The following TPST1 variants were observed in gnomAD, a reference collection of about 807,000 sequenced individuals.
TPST1 encodes protein-tyrosine sulfotransferase 1.
Under a neutral mutation model 34.8 loss-of-function variants are expected in TPST1, and 20 were observed. The observed-to-expected ratio is 0.57, with a 90% CI of 0.40 to 0.84. The LOEUF is 0.84. TPST1 is among the 40% of genes least tolerant of loss of function. The probability of loss-of-function intolerance (pLI) is 0.00; values close to 1 mark genes in which losing one functional copy is unlikely to be tolerated. For missense variants in TPST1, 353 were observed against 455.5 expected (o/e 0.78, Z 2.05); for synonymous variants, 152 against 159.4 (o/e 0.95, Z 0.35).
intron 3 of TPST1, among the ~76,000 whole-genome samples, chr7:66,350,517 A>G (rs537862614): frequency 6.6e-6 from 1 of 151,986 alleles, no homozygotes; most frequent in African/African-American, 2.4e-5. Flanking sequence ...TAGGTCTCCT[A>G]GACTGTAACG....
In TPST1 at chr7:66,356,498, A is replaced by G. The variant is rs150766002; in HGVS notation, c.1096-327A>G. On this transcript the variant is annotated intron_variant, in intron 4 of 5. Coordinates refer to ENST00000304842, the MANE Select transcript of TPST1 (RefSeq NM_003596.4). ...CTCCCCAGAGTTGACGTGGGCTCCAAGCCCCAGCCCCTGATCCCATGGTTG... is the reference window on the plus strand; with the variant it reads ...CTCCCCAGAGTTGACGTGGGCTCCAGGCCCCAGCCCCTGATCCCATGGTTG... 1.9e-3 allele frequency among the ~76,000 whole-genome samples: 290 copies of G among 152,356 alleles called. 1 individual carries two copies. The highest frequency in any genetic ancestry group is 8.3e-3 in the South Asian group (40 of 4,830).
intron 1 of TPST1, among the ~76,000 whole-genome samples, chr7:66,225,848 AG>A (rs1789643827): frequency 6.6e-6 from 1 of 152,178 alleles, no homozygotes; most frequent in Non-Finnish European, 1.5e-5. Flanking sequence ...ATCTAGAAAA[AG>A]GTACTTCCCA....
chr7:66,276,385 T>TATATATATG (rs1431495136), intron 2 of TPST1, among the ~76,000 whole-genome samples: 1 of 137,748 alleles, frequency 7.3e-6, no homozygotes, highest in Non-Finnish European at 1.5e-5. Context: ...TATATATGTA[T>TATATATATG]TTTTTTGAGG....
chr7:66,336,828 CAAAG>C (rs957043716), intron 3 of TPST1, among the ~76,000 whole-genome samples: 2 of 152,038 alleles, frequency 1.3e-5, no homozygotes, highest in Non-Finnish European at 2.9e-5. Flanking sequence ...AAATCAAAGA[CAAAG>C]AAAGATTACT....
intron 2 of TPST1, among the ~76,000 whole-genome samples, chr7:66,261,017 A>T (rs959926433): frequency 6.6e-6 from 1 of 152,150 alleles, no homozygotes; most frequent in African/African-American, 2.4e-5. Context: ...CTCTGGCCTG[A>T]AAACTCCAAC....
At position 66,284,377 on chromosome 7, in the gene TPST1, C is replaced by T. The variant is rs112579566; in HGVS notation, c.846-2134C>T. On this transcript the variant is annotated intron_variant, in intron 2 of 5. Coordinates refer to ENST00000304842, the MANE Select transcript of TPST1 (RefSeq NM_003596.4). ...TAATTTACATTTTTTTTATTGTTCT[C>T]TACATGTCAAACAAAACAAAGCAAC... 2.1e-3 allele frequency among the ~76,000 whole-genome samples: 314 copies of T among 151,384 alleles called. 1 individual carries two copies. Among genetic ancestry groups the T allele is most frequent in the African/African-American group, 7.3e-3 (301 of 41,134 alleles).
At chr7:66,296,176 C>T (rs1458288056) in intron 3 of TPST1, among the ~76,000 whole-genome samples, 2 of 150,970 alleles carry the variant, frequency 1.3e-5, no homozygotes, top group Non-Finnish European at 2.9e-5. Context: ...ACTAAAGAAT[C>T]TATTTCATAC....
intron 3 of TPST1, among the ~76,000 whole-genome samples, chr7:66,335,523 A>T (rs1490911620): frequency 6.6e-6 from 1 of 152,116 alleles, no homozygotes; most frequent in Non-Finnish European, 1.5e-5. Context: ...ACAGACTGGG[A>T]AATGATGACA....
intron 2 of TPST1, among the ~76,000 whole-genome samples, chr7:66,274,688 A>G (rs1465044878): frequency 6.6e-6 from 1 of 152,220 alleles, no homozygotes; most frequent in Non-Finnish European, 1.5e-5. Flanking sequence ...CAAACCATAT[A>G]TCTGATATGG....
Position 66,347,059 on chromosome 7 carries a change from C to CTTTTTTTTTTTTT in TPST1, c.1045-5432_1045-5420dup, listed in dbSNP as rs71051352. Among the ~76,000 whole-genome samples the CTTTTTTTTTTTTT allele has an allele frequency of 7.9e-3, 471 of 59,984 alleles. 113 individuals carry two copies. The highest frequency in any genetic ancestry group is 0.011 in the East Asian group (20 of 1,846). 39.4% of individuals were successfully genotyped at this position (59,984 alleles called of 152,430 possible). A position where few individuals can be genotyped will look rare whatever the true frequency, so the allele number is the denominator to read the frequency against. On this transcript the variant is annotated intron_variant, in intron 3 of 5. Transcript: ENST00000304842. ...TTTCTTCTTTTTTTCCTTTGCTTTT[C>CTTTTTTTTTTTTT]TTTTTTTTTTTTTTTTTTTTTTTTT...
chr7:66,259,948 G>A (rs1790453880), intron 2 of TPST1, among the ~76,000 whole-genome samples: 1 of 152,058 alleles, frequency 6.6e-6, no homozygotes, highest in Non-Finnish European at 1.5e-5. Context: ...GGCAACCACT[G>A]ATTTTTTATT....
chr7:66,356,714 T>C, intron 4 of TPST1, 111 bp from the exon 5 acceptor site: 3 of 1,229,662 alleles, frequency 2.4e-6, no homozygotes, highest in Non-Finnish European at 3.6e-6. Flanking sequence ...ACTGAGTTCA[T>C]CTGAAAGTGA....
intron 3 of TPST1, among the ~76,000 whole-genome samples, chr7:66,297,248 C>CTAG (rs1261579590): frequency 6.6e-6 from 1 of 152,118 alleles, no homozygotes; most frequent in Non-Finnish European, 1.5e-5. Flanking sequence ...CTTTCCTGAG[C>CTAG]CCTAGGTTCA....
intron 2 of TPST1, among the ~76,000 whole-genome samples, chr7:66,243,169 T>TTGTG (rs892467097): frequency 2.2e-5 from 3 of 133,688 alleles, no homozygotes; most frequent in African/African-American, 5.1e-5. Context: ...GTGTGTGTGT[T>TTGTG]TGTGTGTGTG....
At chr7:66,201,164 T>C (rs1789030452), upstream of TPST1, among the ~76,000 whole-genome samples, 1 of 152,068 alleles carries the variant, frequency 6.6e-6, no homozygotes, top group East Asian at 1.9e-4. Context: ...AGAAATGTGG[T>C]GTGAATCAGA....
intron 3 of TPST1, among the ~76,000 whole-genome samples, chr7:66,302,718 C>G (rs1791342733): frequency 6.6e-6 from 1 of 152,208 alleles, no homozygotes; most frequent in Non-Finnish European, 1.5e-5. Context: ...GAAATTGGCT[C>G]AGTTAGACTT....
At chr7:66,238,270 A>G (rs907897131) in intron 1 of TPST1, among the ~76,000 whole-genome samples, 10 of 152,104 alleles carry the variant, frequency 6.6e-5, no homozygotes, top group Non-Finnish European at 1.3e-4. Context: ...TCAGACCCCT[A>G]ATAAAACTTG....
At chr7:66,225,212 C>T (rs577586546) in intron 1 of TPST1, among the ~76,000 whole-genome samples, 8 of 151,818 alleles carry the variant, frequency 5.3e-5, no homozygotes, top group Non-Finnish European at 1.2e-4. Context: ...CCACCGCACC[C>T]GGCCCATTCT....
At chr7:66,260,492 T>A (rs377290881) in intron 2 of TPST1, among the ~76,000 whole-genome samples, 1 of 152,224 alleles carries the variant, frequency 6.6e-6, no homozygotes, top group African/African-American at 2.4e-5. Flanking sequence ...GTGGAATAAC[T>A]GTTTTAATGC....
Sources: gnomAD v4.1 joint callset for allele counts (sites outside exome capture counted in the v4.1 genomes callset) on GRCh38, gnomAD v4.1.1 for gene constraint, MANE v1.5 for transcripts, NCBI Gene and HGNC (gene_info 2026-07-23, HGNC 2026-07-21) for gene names.